Variants in SPTB observed in about 807,000 individuals in gnomAD.
SPTB encodes the protein spectrin beta, erythrocytic, also known as spectrin beta chain, erythrocytic.
In SPTB, 45 loss-of-function variants were observed where a neutral mutation model predicts 256.2. The observed-to-expected ratio is 0.18, with a 90% CI of 0.14 to 0.23. The LOEUF is 0.23. SPTB is among the 10% of genes least tolerant of loss of function. The pLI, the probability that SPTB is intolerant of heterozygous loss-of-function variation, is 1.00. For synonymous variants in SPTB, 1,231 were observed against 1,243.1 expected, an observed-to-expected ratio of 0.99 and a Z score of 0.21; for missense variants, 2,715 against 3,040.4, an observed-to-expected ratio of 0.89 and a Z score of 2.52.
chr14:64,791,537 G>A (rs1352990103), intron 15 of SPTB, among the ~76,000 whole-genome samples, 182 bp downstream of exon 15: 3 of 133,280 alleles, frequency 2.3e-5, no homozygotes, highest in Non-Finnish European at 4.6e-5. Context: ...CTGCACTCCA[G>A]CCTGGGTAAA....
At chr14:64,878,380 C>T (rs1882934815) in intron 1 of SPTB, among the ~76,000 whole-genome samples, 1 of 151,924 alleles carries the variant, frequency 6.6e-6, no homozygotes, top group Admixed American at 6.6e-5. Flanking sequence ...CATACATTAA[C>T]AATCATTTTG....
Position 64,793,426 on chromosome 14 carries a change from A to G in SPTB, c.2237T>C (p.Phe746Ser), listed in dbSNP as rs1003635786. Residue 746 changes from phenylalanine to serine, a missense_variant, in exon 14 of 36, where the codon TTC becomes TCC. Physicochemically the swap from Phe to Ser is radical, Grantham distance 155 (BLOSUM62 -2). This residue lies in a region of SPTB where 2,239 missense variants were observed against 2,384.4 expected (regional missense o/e 0.94). Coordinates refer to ENST00000644917, the MANE Select transcript of SPTB (RefSeq NM_001355436.2). The surrounding 1 kb of genome is among the most constrained non-coding windows in gnomAD (Gnocchi z 7.0). ...KKNLQDAENF[F>S]QFQGDADDLK... is the part of the protein sequence containing the mutation. ...GTCATCCGCATCGCCCTGGAACTGG[A>G]AAAAGTTCTCAGCATCCTGGAGGTT... The G allele has an allele frequency of 6.2e-7, 1 of 1,613,570 alleles. No homozygotes were observed. Among genetic ancestry groups the G allele is most frequent in the Non-Finnish European group, 8.5e-7 (1 of 1,180,032 alleles).
intron 9 of SPTB, 110 bp downstream of exon 9, chr14:64,799,637 G>A: frequency 7.8e-7 from 1 of 1,274,126 alleles, no homozygotes; most frequent in East Asian, 2.5e-5. Flanking sequence ...CTCTAATCTT[G>A]AGGGTGTGCC....
Position 64,792,881 on chromosome 14 carries a change from A to G in SPTB, c.2666+116T>C. 1 of 1,440,170 alleles carries G rather than the reference A, an allele frequency of 6.9e-7. No individual in the cohort carries two copies. The highest frequency in any genetic ancestry group is 2.3e-5 in the East Asian group (1 of 42,844). 89.2% of individuals were successfully genotyped at this position (1,440,170 alleles called of 1,614,324 possible). On this transcript the variant is annotated intron_variant, in intron 14 of 35. Transcript: ENST00000644917. The surrounding 1 kb of genome is among the most constrained non-coding windows in gnomAD (Gnocchi z 4.2). Reference sequence around the variant, plus strand: ...ATGCCAGGACTTTGCAACAAAGGACATCCCAGGGCCTCTCAAAGAGACCTT... The same window carrying G: ...ATGCCAGGACTTTGCAACAAAGGACGTCCCAGGGCCTCTCAAAGAGACCTT...
rs780515740 is a variant in SPTB, at chr14:64,765,821, AGT to A, written c.6345+903_6345+904del. ...AGTGATTGGGGTGTGTGTGTGTGTG[AGT>A]GTGTGTGTGTGTGGGGGTGTGGTGT... On this transcript the variant is annotated intron_variant, in intron 32 of 35. Coordinates refer to ENST00000644917, the MANE Select transcript of SPTB (RefSeq NM_001355436.2). 3.6e-4 allele frequency among the ~76,000 whole-genome samples: 47 copies of A among 131,976 alleles called. No homozygotes were observed. In the East Asian group the frequency reaches 6.3e-3, roughly 18 times the overall value. The allele number at this position is 131,976 out of a possible 152,430, so 86.6% of individuals were successfully genotyped here. A position where few individuals can be genotyped will look rare whatever the true frequency, so the allele number is the denominator to read the frequency against.
At chr14:64,849,331 G>A (rs967237588) in intron 1 of SPTB, among the ~76,000 whole-genome samples, 1 of 152,210 alleles carries the variant, frequency 6.6e-6, no homozygotes. Flanking sequence ...CTGAGTGGGG[G>A]ACTAGACGAG....
At chr14:64,878,620 C>T (rs1006864680) in intron 1 of SPTB, among the ~76,000 whole-genome samples, 11 of 152,120 alleles carry the variant, frequency 7.2e-5, no homozygotes, top group Admixed American at 6.5e-4. Context: ...AGACTCCTCT[C>T]ATTAGGGAGC....
chr14:64,775,255 T>G lies in SPTB; in HGVS notation c.4712A>C (p.Glu1571Ala). ...HLQSSWDRLR[E>A]AAAGRLQRLR... Reference sequence around the variant, plus strand: ...TCGCTGCAGCCTCCCGGCCGCTGCCTCCCGCAGCCTGTCCCAGGAGCTCTG... The same window carrying G: ...TCGCTGCAGCCTCCCGGCCGCTGCCGCCCGCAGCCTGTCCCAGGAGCTCTG... Residue 1571 changes from glutamate to alanine, a missense_variant, in exon 23 of 36, where the codon GAG becomes GCG. Physicochemically the swap from Glu to Ala is moderately radical, Grantham distance 107. Around this residue, in one of 4 missense-constraint regions of SPTB, gnomAD observed 2,239 missense variants for 2,384.4 expected, o/e 0.94. Coordinates refer to ENST00000644917, the MANE Select transcript of SPTB (RefSeq NM_001355436.2). This position sits in a 1 kb window ranked among gnomAD's most constrained non-coding sequence, Gnocchi z 5.0. 6.2e-7 allele frequency: 1 copy of G among 1,613,632 alleles called. No homozygotes were observed. Among genetic ancestry groups the G allele is most frequent in the Non-Finnish European group, 8.5e-7 (1 of 1,180,022 alleles).
rs141761711 is a variant in SPTB at position 64,794,366 on chromosome 14, T to G, written c.1795+101A>C. ...CATTACTTGATGAAAGTAACAGAAC[T>G]TTAAAGTTGGTTCCAGGAGATTTAT... On this transcript the variant is annotated intron_variant, in intron 13 of 35. Coordinates refer to ENST00000644917, the MANE Select transcript of SPTB (RefSeq NM_001355436.2). 1,343 of 1,493,418 alleles carry G rather than the reference T, an allele frequency of 9.0e-4. 14 individuals are homozygous for G. The African/African-American group carries it at 0.017, about 19-fold the overall frequency. The allele number at this position is 1,493,418 out of a possible 1,614,324, so 92.5% of individuals were successfully genotyped here.
chr14:64,791,661 G>A (rs2082675883), intron 15 of SPTB, 58 bp downstream of exon 15: 2 of 1,563,740 alleles, frequency 1.3e-6, no homozygotes, highest in South Asian at 1.1e-5. Flanking sequence ...CCGGCCCCCA[G>A]CAGTGTGTCA....
At chr14:64,750,656 G>GTCTC (rs1448424746) in intron 33 of SPTB, among the ~76,000 whole-genome samples, 9 of 151,894 alleles carry the variant, frequency 5.9e-5, no homozygotes, top group Non-Finnish European at 2.9e-5. Flanking sequence ...CATGCCTGCA[G>GTCTC]TCTCAGCTAC....
rs202003949 is a variant in SPTB at position 64,795,568 on chromosome 14, C to T, written c.1413G>A (p.Thr471=). 1.1e-5 allele frequency: 18 copies of T among 1,614,174 alleles called. No homozygotes were observed. Among genetic ancestry groups the T allele is most frequent in the Admixed American group, 8.3e-5 (5 of 60,020 alleles). ...CTCTCACCCGCTCCTCGTAGGCAGC[C>T]GTGTCGGTCTCGATGGCCTCATGCT... ...KKKHEAIETD[T]AAYEERVRAL... The change falls in exon 12 of 36, where the codon ACG becomes ACA. Residue 471 remains threonine (T), a synonymous_variant. Transcript: ENST00000644917. This position sits in a 1 kb window ranked among gnomAD's most constrained non-coding sequence, Gnocchi z 6.5.
intron 5 of SPTB, 70 bp from the exon 6 acceptor site, chr14:64,801,904 A>T: frequency 7.0e-7 from 1 of 1,431,094 alleles, no homozygotes; most frequent in South Asian, 1.1e-5. Context: ...GTACAAATTG[A>T]GGGCCAATAT....
rs572715755 is a variant in SPTB, at chr14:64,816,819, A to G, written c.148+6128T>C. On this transcript the variant is annotated intron_variant, in intron 2 of 35. Coordinates refer to ENST00000644917, the MANE Select transcript of SPTB (RefSeq NM_001355436.2). The surrounding 1 kb of genome is among the most constrained non-coding windows in gnomAD (Gnocchi z 4.2). ...CTTGGCACCTCCTCAGCCAAGAAGCATGTGGGGGACACATGGGGCAGGGAG... is the reference window on the plus strand; with the variant it reads ...CTTGGCACCTCCTCAGCCAAGAAGCGTGTGGGGGACACATGGGGCAGGGAG... Among the ~76,000 whole-genome samples the G allele has an allele frequency of 6.6e-6, 1 of 152,084 alleles. No individual in the cohort carries two copies. Among genetic ancestry groups the G allele is most frequent in the South Asian group, 2.1e-4 (1 of 4,820 alleles).
rs1389478685 is a variant in SPTB at position 64,749,415 on chromosome 14, ATGC to A, written c.6875_6877del (p.Ser2292del). 2 of 1,606,856 alleles carry A rather than the reference ATGC, an allele frequency of 1.2e-6. No homozygotes were observed. The highest frequency in any genetic ancestry group is 2.7e-5 in the African/African-American group (2 of 74,888). On this transcript the variant is annotated inframe_deletion, in exon 36 of 36. Coordinates refer to ENST00000644917, the MANE Select transcript of SPTB (RefSeq NM_001355436.2). The surrounding 1 kb of genome is among the most constrained non-coding windows in gnomAD (Gnocchi z 4.7). ...GGGCAGGCTCTGCGCCTTGACGCGG[ATGC>A]TCTGGGACTCGTTGATGGCGGTGCT...
Position 64,757,505 on chromosome 14 carries a change from A to C in SPTB, c.6346-3712T>G, listed in dbSNP as rs2082031708. On this transcript the variant is annotated intron_variant, in intron 32 of 35. Transcript: ENST00000644917. ...AAATGGGGGTTTTCCAATGTATGCA[A>C]AGATTTCTTTGGCGTTCCTGACTGC... The C allele has an allele frequency of 1.3e-5, 2 of 152,264 alleles. 1 individual carries two copies. The highest frequency in any genetic ancestry group is 4.1e-4 in the South Asian group (2 of 4,834). 9.4% of individuals were successfully genotyped at this position (152,264 alleles called of 1,614,324 possible). A position where few individuals can be genotyped will look rare whatever the true frequency, so the allele number is the denominator to read the frequency against.
At position 64,778,564 on chromosome 14, in the gene SPTB, T is replaced by C. The variant is rs1594765899; in HGVS notation, c.4563+593A>G. ...TGGCATCTGCTCACATCCAGGATCC[T>C]GACCAGGGCCACAGGAGTTCCCAAT... On this transcript the variant is annotated intron_variant, in intron 22 of 35. Transcript: ENST00000644917. This position sits in a 1 kb window ranked among gnomAD's most constrained non-coding sequence, Gnocchi z 5.2. 6.6e-6 allele frequency among the ~76,000 whole-genome samples: 1 copy of C among 152,182 alleles called. No homozygotes were observed. The highest frequency in any genetic ancestry group is 1.9e-4 in the East Asian group (1 of 5,192).
At chr14:64,857,715 ATTG>A (rs1312812453) in intron 1 of SPTB, among the ~76,000 whole-genome samples, 2 of 152,046 alleles carry the variant, frequency 1.3e-5, no homozygotes, top group Non-Finnish European at 2.9e-5. Context: ...CTTGTTCTAA[ATTG>A]TTGTTTTATT....
intron 1 of SPTB, among the ~76,000 whole-genome samples, chr14:64,835,185 C>T (rs149837975): frequency 2.7e-4 from 41 of 152,298 alleles, no homozygotes; most frequent in Middle Eastern, 3.4e-3. Context: ...CATTTGGGAA[C>T]GTGCCTGCAA....
Sources: gnomAD v4.1 joint callset for allele counts (sites outside exome capture counted in the v4.1 genomes callset) on GRCh38, gnomAD v4.1.1 for gene constraint, gnomAD v4.1.1 regional missense constraint, Gnocchi (gnomAD v3.1) non-coding constraint, MANE v1.5 for transcripts, NCBI Gene and HGNC (gene_info 2026-07-23, HGNC 2026-07-21) for gene names.